MARCHF1: variants seen among roughly 807,000 people sequenced by gnomAD.
MARCHF1 encodes the protein E3 ubiquitin-protein ligase MARCHF1.
A neutral mutation model predicts 54.2 loss-of-function variants in MARCHF1; 40 were observed. The ratio of observed to expected loss-of-function variants is 0.74; its 90% CI spans 0.57 to 0.96. The LOEUF (loss-of-function observed/expected upper bound fraction) is 0.96, where lower values mean the gene tolerates loss of function less well. Among genes scored for constraint, MARCHF1 ranks in the 40% least tolerant of loss-of-function variants. The pLI, the probability that MARCHF1 is intolerant of heterozygous loss-of-function variation, is 0.00. For missense variants in MARCHF1, 586 were observed against 656.5 expected (o/e 0.89, Z 1.17); for synonymous variants, 236 against 236.3 (o/e 1.00, Z 0.01).
intron 1 of MARCHF1, among the ~76,000 whole-genome samples, chr4:164,341,972 C>T (rs916190193): frequency 2.0e-5 from 3 of 152,298 alleles, no homozygotes; most frequent in Non-Finnish European, 2.9e-5. Flanking sequence ...GTCACATTTA[C>T]ATTACCATCA....
At chr4:164,295,059 G>T (rs568461931) in intron 1 of MARCHF1, among the ~76,000 whole-genome samples, 38 of 151,914 alleles carry the variant, frequency 2.5e-4, no homozygotes, top group Admixed American at 1.2e-3. Flanking sequence ...CATAACATGG[G>T]AGCCCTCATA....
chr4:163,805,552 A>G (rs966891435), intron 4 of MARCHF1, among the ~76,000 whole-genome samples: 1 of 152,206 alleles, frequency 6.6e-6, no homozygotes, highest in African/African-American at 2.4e-5. Context: ...TAGCAGCATG[A>G]AAAATAACAA....
Position 163,737,485 on chromosome 4 carries a change from C to T in MARCHF1, c.112-36622G>A, listed in dbSNP as rs1405531437. Among the ~76,000 whole-genome samples, 70 of 82,386 alleles carry T rather than the reference C, an allele frequency of 8.5e-4. 1 individual carries two copies. The highest frequency in any genetic ancestry group is 2.3e-3 in the African/African-American group (61 of 26,686). 54.0% of individuals were successfully genotyped at this position (82,386 alleles called of 152,430 possible). A position where few individuals can be genotyped will look rare whatever the true frequency, so the allele number is the denominator to read the frequency against. On this transcript the variant is annotated intron_variant, in intron 4 of 9. Transcript: ENST00000514618. The stretch of plus-strand genomic sequence containing the variant: ...TGCGGTGTTTGGTTTTTTGTTCTTG[C>T]GACAGTTTACTGAGAATGATGGTTT...
chr4:163,921,557 T>A (rs1180728035), intron 3 of MARCHF1, among the ~76,000 whole-genome samples: 1 of 152,144 alleles, frequency 6.6e-6, no homozygotes, highest in South Asian at 2.1e-4. Context: ...GACAATAAAA[T>A]AATTTCTAGT....
intron 1 of MARCHF1, among the ~76,000 whole-genome samples, chr4:164,114,627 C>T (rs1755903039): frequency 2.0e-5 from 3 of 150,914 alleles, no homozygotes; most frequent in Admixed American, 6.6e-5. Context: ...GCTATTTTTC[C>T]TAAGTACAAT....
intron 2 of MARCHF1, among the ~76,000 whole-genome samples, chr4:164,075,128 A>G (rs1383156437): frequency 6.6e-6 from 1 of 152,162 alleles, no homozygotes; most frequent in Non-Finnish European, 1.5e-5. Context: ...TTCTATTTGA[A>G]TCATCTATAC....
At chr4:164,006,403 G>A (rs191516548) in intron 2 of MARCHF1, among the ~76,000 whole-genome samples, 18 of 152,080 alleles carry the variant, frequency 1.2e-4, no homozygotes, top group African/African-American at 4.1e-4. Context: ...GACTAGCTAT[G>A]TGAAAATACA....
chr4:163,936,200 G>T (rs1290461989), intron 3 of MARCHF1, among the ~76,000 whole-genome samples: 2 of 152,234 alleles, frequency 1.3e-5, no homozygotes, highest in East Asian at 3.9e-4. Context: ...TAACATCAAA[G>T]ATCACTGATC....
intron 3 of MARCHF1, among the ~76,000 whole-genome samples, chr4:163,892,169 CACAA>C (rs1168060302): frequency 6.6e-6 from 1 of 152,122 alleles, no homozygotes; most frequent in Admixed American, 6.5e-5. Flanking sequence ...GAAAATAAAG[CACAA>C]ACACTTAACC....
At chr4:163,658,521 A>T (rs1743230081) in intron 5 of MARCHF1, among the ~76,000 whole-genome samples, 1 of 152,034 alleles carries the variant, frequency 6.6e-6, no homozygotes, top group Admixed American at 6.6e-5. Context: ...AACCAGAAGT[A>T]CCATTTGACC....
intron 4 of MARCHF1, among the ~76,000 whole-genome samples, chr4:163,805,886 A>T (rs1561087617): frequency 1.3e-5 from 2 of 152,028 alleles, no homozygotes; most frequent in Non-Finnish European, 2.9e-5. Flanking sequence ...CTCTACCCCA[A>T]TTTTTTTGTG....
intron 1 of MARCHF1, among the ~76,000 whole-genome samples, chr4:164,219,750 TCTTAAAA>T (rs1394065115): frequency 9.2e-5 from 14 of 152,000 alleles, no homozygotes; most frequent in Admixed American, 2.6e-4. Flanking sequence ...GGATCAGCTC[TCTTAAAA>T]CTTAAAACTT....
chr4:164,081,690 A>G (rs1298788116), intron 2 of MARCHF1, among the ~76,000 whole-genome samples: 1 of 152,136 alleles, frequency 6.6e-6, no homozygotes, highest in Non-Finnish European at 1.5e-5. Flanking sequence ...TGGGGAAAAC[A>G]TGCACATGTG....
intron 2 of MARCHF1, among the ~76,000 whole-genome samples, chr4:164,041,615 CA>C (rs756432688): frequency 8.5e-5 from 13 of 152,058 alleles, no homozygotes; most frequent in Non-Finnish European, 1.9e-4. Context: ...TCCATTCTCC[CA>C]ATTAGCTAGA....
intron 1 of MARCHF1, chr4:164,188,561 A>T (rs1372535120): frequency 1.3e-6 from 1 of 767,316 alleles, no homozygotes; most frequent in Admixed American, 1.7e-5. Flanking sequence ...CAAACGCATC[A>T]CGCGGTCCTA....
chr4:163,585,660 G>T, intron 8 of MARCHF1, 89 bp downstream of exon 8: 1 of 1,056,390 alleles, frequency 9.5e-7, no homozygotes, highest in Non-Finnish European at 1.4e-6. Flanking sequence ...AGCATATTAG[G>T]AGAATCGTAT....
chr4:164,134,367 G>C (rs1180534996), intron 1 of MARCHF1, among the ~76,000 whole-genome samples: 2 of 152,192 alleles, frequency 1.3e-5, no homozygotes, highest in Non-Finnish European at 2.9e-5. Flanking sequence ...GCTGCTGAAA[G>C]CAGTACTTGT....
At chr4:163,911,720 G>T (rs183162432) in intron 3 of MARCHF1, among the ~76,000 whole-genome samples, 1 of 152,190 alleles carries the variant, frequency 6.6e-6, no homozygotes, top group Admixed American at 6.5e-5. Context: ...TGTCATATGG[G>T]TGTCATATTT....
At chr4:163,606,066 G>T (rs1741132545) in intron 7 of MARCHF1, among the ~76,000 whole-genome samples, 1 of 152,028 alleles carries the variant, frequency 6.6e-6, no homozygotes, top group Admixed American at 6.6e-5. Flanking sequence ...TTAAAAAAAT[G>T]AGAATATGCA....
Sources: allele counts gnomAD v4.1 joint callset (sites outside exome capture counted in the v4.1 genomes callset), GRCh38; gene constraint gnomAD v4.1.1; transcripts MANE v1.5; gene names NCBI Gene and HGNC (gene_info 2026-07-23, HGNC 2026-07-21).